SPSB4: variants seen among roughly 807,000 people sequenced by gnomAD.
SPSB4 encodes the protein SPRY domain-containing SOCS box protein 4.
Under a neutral mutation model 20.9 loss-of-function variants are expected in SPSB4, and 21 were observed. The ratio of observed to expected loss-of-function variants is 1.01; its 90% CI spans 0.71 to 1.45. SPSB4 has a LOEUF of 1.45. Ranked by LOEUF, SPSB4 falls within the 40% of genes most tolerant of loss-of-function variation. SPSB4 has a pLI of 0.00. For synonymous variants in SPSB4, 207 were observed against 183.8 expected (o/e 1.13, Z -1.02); for missense variants, 399 against 399.2 (o/e 1.00, Z 0.00).
intron 2 of SPSB4, among the ~76,000 whole-genome samples, chr3:141,136,645 G>A (rs1275050021): frequency 6.6e-6 from 1 of 152,192 alleles, no homozygotes; most frequent in Non-Finnish European, 1.5e-5. Flanking sequence ...AGATCAGATG[G>A]TTGTAGGTGT....
At chr3:141,121,239 C>G (rs1182204294) in intron 2 of SPSB4, among the ~76,000 whole-genome samples, 1 of 152,128 alleles carries the variant, frequency 6.6e-6, no homozygotes, top group African/African-American at 2.4e-5. Flanking sequence ...GAATATTGCC[C>G]CTCAGTCTCC....
intron 2 of SPSB4, among the ~76,000 whole-genome samples, chr3:141,138,090 C>T (rs138377387): frequency 6.6e-5 from 10 of 152,272 alleles, no homozygotes; most frequent in East Asian, 5.8e-4. Context: ...GGAATTTATC[C>T]GTTTCTTCTA....
chr3:141,120,465 T>G (rs1253241569), intron 2 of SPSB4, among the ~76,000 whole-genome samples: 2 of 152,228 alleles, frequency 1.3e-5, no homozygotes, highest in Non-Finnish European at 2.9e-5. Flanking sequence ...CTGGATATCC[T>G]TGTTAACCTT....
chr3:141,100,606 A>C (rs1193757374), intron 2 of SPSB4, among the ~76,000 whole-genome samples: 1 of 152,204 alleles, frequency 6.6e-6, no homozygotes, highest in African/African-American at 2.4e-5. Context: ...GTGAAGTTAC[A>C]CAGTCCATGG....
intron 2 of SPSB4, among the ~76,000 whole-genome samples, chr3:141,084,977 G>C (rs577364428): frequency 6.6e-6 from 1 of 152,190 alleles, no homozygotes. Flanking sequence ...GAGCAGGAAG[G>C]CCAGGGCACT....
At chr3:141,128,653 C>G (rs1939087029) in intron 2 of SPSB4, among the ~76,000 whole-genome samples, 1 of 151,898 alleles carries the variant, frequency 6.6e-6, no homozygotes, top group Non-Finnish European at 1.5e-5. Context: ...ACAGAAGGAG[C>G]TGGGGTTGCA....
chr3:141,072,382 A>T (rs12494997), intron 2 of SPSB4, among the ~76,000 whole-genome samples: 46,650 of 152,060 alleles, frequency 0.31, 10,846 homozygotes, highest in African/African-American at 0.65. Context: ...AGATCCCCCA[A>T]GTTGGAGGTG....
At chr3:141,079,436 T>A (rs1360616846) in intron 2 of SPSB4, among the ~76,000 whole-genome samples, 1 of 152,136 alleles carries the variant, frequency 6.6e-6, no homozygotes, top group Non-Finnish European at 1.5e-5. Flanking sequence ...TAAATTGAAA[T>A]TCATTGCACC....
At chr3:141,075,599 TG>T (rs1938090297) in intron 2 of SPSB4, among the ~76,000 whole-genome samples, 1 of 152,130 alleles carries the variant, frequency 6.6e-6, no homozygotes. Flanking sequence ...TTAGTAGGAC[TG>T]GGTCGGGCCC....
chr3:141,072,327 G>T (rs1938023196), intron 2 of SPSB4, among the ~76,000 whole-genome samples: 1 of 152,250 alleles, frequency 6.6e-6, no homozygotes, highest in Admixed American at 6.5e-5. Context: ...CTATTTACTT[G>T]ATATCGCTTG....
At position 141,147,859 on chromosome 3, in the gene SPSB4, AGAC is replaced by A. The variant is rs1414331872; in HGVS notation, c.*591_*593del. On this transcript the variant is annotated 3_prime_UTR_variant, in exon 3 of 3. Transcript: ENST00000310546. ...CTGGCAAGTGGACAGTGCAGTGTGG[AGAC>A]ACCTTCCGGCTTACCTCTTTGAACG... 5 of 153,362 alleles carry A rather than the reference AGAC, an allele frequency of 3.3e-5. No individual in the cohort carries two copies. Among genetic ancestry groups the A allele is most frequent in the African/African-American group, 1.2e-4 (5 of 41,422 alleles). The allele number at this position is 153,362 out of a possible 1,614,324, so 9.5% of individuals were successfully genotyped here.
chr3:141,114,408 A>G (rs1176984496), intron 2 of SPSB4, among the ~76,000 whole-genome samples: 1 of 152,228 alleles, frequency 6.6e-6, no homozygotes, highest in African/African-American at 2.4e-5. Flanking sequence ...GTAATTGACG[A>G]AACACGGTGA....
chr3:141,096,229 G>A lies in SPSB4; in HGVS notation c.694+29431G>A, dbSNP rs564761627. On this transcript the variant is annotated intron_variant, in intron 2 of 2. Coordinates refer to ENST00000310546, the MANE Select transcript of SPSB4 (RefSeq NM_080862.3). ...CCACCCAGGGCCCCAGGGGGAAACA[G>A]CTAAATAGTTGAATAAGATGGCACA... is the stretch of plus-strand genomic sequence containing the variant. Among the ~76,000 whole-genome samples, 115 of 152,294 alleles carry A rather than the reference G, an allele frequency of 7.6e-4. 1 individual carries two copies. Among genetic ancestry groups the A allele is most frequent in the African/African-American group, 2.7e-3 (111 of 41,548 alleles).
At chr3:141,061,998 G>A (rs1385905515) in intron 1 of SPSB4, among the ~76,000 whole-genome samples, 3 of 152,112 alleles carry the variant, frequency 2.0e-5, no homozygotes. Flanking sequence ...GCCTCCCAAA[G>A]TTCTGGGATT....
chr3:141,123,307 C>T (rs556774944), intron 2 of SPSB4, among the ~76,000 whole-genome samples: 32 of 152,360 alleles, frequency 2.1e-4, no homozygotes, highest in Admixed American at 2.0e-3. Flanking sequence ...CACCTCTGTG[C>T]CCCTTGTGTT....
chr3:141,086,458 G>A (rs1397071389), intron 2 of SPSB4, among the ~76,000 whole-genome samples: 1 of 152,176 alleles, frequency 6.6e-6, no homozygotes, highest in Non-Finnish European at 1.5e-5. Flanking sequence ...GATGATAATA[G>A]TGCCCACCTT....
At chr3:141,092,460 A>G (rs1365920580) in intron 2 of SPSB4, among the ~76,000 whole-genome samples, 2 of 152,224 alleles carry the variant, frequency 1.3e-5, no homozygotes, top group South Asian at 2.1e-4. Context: ...ATTAGAGCCG[A>G]CTACACATAA....
At chr3:141,095,969 G>A (rs372284168) in intron 2 of SPSB4, among the ~76,000 whole-genome samples, 19 of 152,208 alleles carry the variant, frequency 1.2e-4, no homozygotes, top group African/African-American at 4.3e-4. Context: ...TCTGCCTGAT[G>A]TCTGGGGCCA....
chr3:141,065,426 C>T (rs1367382998), intron 1 of SPSB4, among the ~76,000 whole-genome samples: 1 of 152,200 alleles, frequency 6.6e-6, no homozygotes, highest in Non-Finnish European at 1.5e-5. Flanking sequence ...CACCCTACAG[C>T]CCTGTGTCTT....
Sources: allele counts gnomAD v4.1 joint callset (sites outside exome capture counted in the v4.1 genomes callset), GRCh38; gene constraint gnomAD v4.1.1; transcripts MANE v1.5; gene names NCBI Gene and HGNC (gene_info 2026-07-23, HGNC 2026-07-21).